Variants in TTC7B observed in about 807,000 individuals in gnomAD.
The protein encoded by TTC7B is tetratricopeptide repeat domain 7B.
A neutral mutation model predicts 106.8 loss-of-function variants in TTC7B; 28 were observed. The observed-to-expected ratio is 0.26, with a 90% CI of 0.19 to 0.36. TTC7B has a LOEUF of 0.36. Among genes scored for constraint, TTC7B ranks in the 10% least tolerant of loss-of-function variants. The pLI, the probability that TTC7B is intolerant of heterozygous loss-of-function variation, is 1.00. For synonymous variants in TTC7B, 405 were observed against 430.6 expected (o/e 0.94, Z 0.74); for missense variants, 862 against 1,076.4 (o/e 0.80, Z 2.79).
intron 19 of TTC7B, among the ~76,000 whole-genome samples, chr14:90,568,983 C>T (rs1033974125): frequency 6.6e-6 from 1 of 152,230 alleles, no homozygotes; most frequent in African/African-American, 2.4e-5. Flanking sequence ...CACACCTGTT[C>T]CACCAGTACC....
intron 5 of TTC7B, among the ~76,000 whole-genome samples, chr14:90,719,093 G>A (rs889619615): frequency 2.0e-5 from 3 of 151,770 alleles, no homozygotes; most frequent in South Asian, 2.1e-4. Flanking sequence ...AAACCCCGTC[G>A]CTACAAACAA....
rs1369535261 is a variant in TTC7B at position 90,524,946 on chromosome 14, C to T, written c.*16422G>A. On this transcript the variant is annotated 3_prime_UTR_variant, in exon 20 of 20. Transcript: ENST00000328459. ...CAGCCTTATGAAGATGTGATTGGCA[C>T]GTAGTAAAGCGCAAGCATTTAAAGT... 2.0e-5 allele frequency: 3 copies of T among 151,948 alleles called. No individual in the cohort carries two copies. Among genetic ancestry groups the T allele is most frequent in the Admixed American group, 1.3e-4 (2 of 15,260 alleles). The allele number at this position is 151,948 out of a possible 1,614,324, so 9.4% of individuals were successfully genotyped here.
At chr14:90,781,122 C>T (rs1477252815) in intron 2 of TTC7B, among the ~76,000 whole-genome samples, 1 of 152,168 alleles carries the variant, frequency 6.6e-6, no homozygotes, top group Non-Finnish European at 1.5e-5. Context: ...GAATATTGCT[C>T]AGTTGTAGTA....
At chr14:90,662,587 A>T (rs1420217139) in intron 9 of TTC7B, among the ~76,000 whole-genome samples, 1 of 152,196 alleles carries the variant, frequency 6.6e-6, no homozygotes, top group Non-Finnish European at 1.5e-5. Context: ...CTAGAAATAC[A>T]GTTTCAAGGT....
intron 17 of TTC7B, 51 bp downstream of exon 17, chr14:90,610,691 C>A: frequency 7.5e-7 from 1 of 1,339,332 alleles, no homozygotes; most frequent in Non-Finnish European, 1.1e-6. Flanking sequence ...GGTCCCAGGC[C>A]CCCACATTCT....
rs1347521462 is a variant in TTC7B at position 90,608,387 on chromosome 14, C to T, written c.1966+2355G>A. 2.6e-5 allele frequency among the ~76,000 whole-genome samples: 4 copies of T among 152,032 alleles called. No homozygotes were observed. The highest frequency in any genetic ancestry group is 5.9e-5 in the Non-Finnish European group (4 of 67,990). ...GTATTTTGCAGCTGCCTGGTTGGGTCGGGGGTGGTGTAGGGCTGGTGGCAG... is the reference window on the plus strand; with the variant it reads ...GTATTTTGCAGCTGCCTGGTTGGGTTGGGGGTGGTGTAGGGCTGGTGGCAG... On this transcript the variant is annotated intron_variant, in intron 17 of 19. Coordinates refer to ENST00000328459, the MANE Select transcript of TTC7B (RefSeq NM_001010854.2). The surrounding 1 kb of genome is among the most constrained non-coding windows in gnomAD (Gnocchi z 5.1).
In TTC7B at chr14:90,657,110, A is replaced by G; in HGVS notation, c.1341+64T>C. ...GCTTTCTCTCTGTGCCTCGACATGA[A>G]AAAAATGGGCAGTCCTGGCCCAGAG... On this transcript the variant is annotated intron_variant, in intron 11 of 19. Coordinates refer to ENST00000328459, the MANE Select transcript of TTC7B (RefSeq NM_001010854.2). The surrounding 1 kb of genome is among the most constrained non-coding windows in gnomAD (Gnocchi z 4.2). The G allele has an allele frequency of 7.2e-7, 1 of 1,396,166 alleles. No homozygotes were observed. The highest frequency in any genetic ancestry group is 1.0e-6 in the Non-Finnish European group (1 of 995,968). 86.5% of individuals were successfully genotyped at this position (1,396,166 alleles called of 1,614,324 possible).
chr14:90,526,273 G>A lies in TTC7B; in HGVS notation c.*15095C>T, dbSNP rs1291693197. The A allele has an allele frequency of 6.6e-6, 1 of 152,078 alleles. No individual in the cohort carries two copies. Among genetic ancestry groups the A allele is most frequent in the African/African-American group, 2.4e-5 (1 of 41,390 alleles). 9.4% of individuals were successfully genotyped at this position (152,078 alleles called of 1,614,324 possible). A position where few individuals can be genotyped will look rare whatever the true frequency, so the allele number is the denominator to read the frequency against. On this transcript the variant is annotated 3_prime_UTR_variant, in exon 20 of 20. Transcript: ENST00000328459. ...GAGTTTTGACTTGCATTTCCCTAGTGAGTAATGATGTTGAACATTTCTTCA... is the reference window on the plus strand; with the variant it reads ...GAGTTTTGACTTGCATTTCCCTAGTAAGTAATGATGTTGAACATTTCTTCA...
In TTC7B at chr14:90,805,553, A is replaced by C. The variant is rs1308078625; in HGVS notation, c.121+10622T>G. On this transcript the variant is annotated intron_variant, in intron 1 of 19. Transcript: ENST00000328459. This position sits in a 1 kb window ranked among gnomAD's most constrained non-coding sequence, Gnocchi z 4.0. ...ACTGCTGGGATTGCAGGCATGAGCC[A>C]CCGCGCCCGGCCTAAACCTCACCTC... Among the ~76,000 whole-genome samples, 2 of 152,182 alleles carry C rather than the reference A, an allele frequency of 1.3e-5. No homozygotes were observed. Among genetic ancestry groups the C allele is most frequent in the African/African-American group, 4.8e-5 (2 of 41,438 alleles).
chr14:90,731,001 A>C (rs1417669445), intron 4 of TTC7B, among the ~76,000 whole-genome samples: 3 of 152,202 alleles, frequency 2.0e-5, no homozygotes, highest in Non-Finnish European at 2.9e-5. Flanking sequence ...GCTGGAGTGC[A>C]GTGGCACAAT....
intron 17 of TTC7B, among the ~76,000 whole-genome samples, chr14:90,597,686 A>C (rs547542663): frequency 2.1e-4 from 32 of 152,202 alleles, no homozygotes; most frequent in Middle Eastern, 3.4e-3. Context: ...ACAACAACAA[A>C]AAAAACCCTG....
chr14:90,798,709 C>CAAAAAAAAAAAAA (rs36223089), intron 1 of TTC7B, among the ~76,000 whole-genome samples: 1 of 52,312 alleles, frequency 1.9e-5, no homozygotes, highest in African/African-American at 6.0e-5. Flanking sequence ...GACTCCATCT[C>CAAAAAAAAAAAAA]AAAAAAAAAA....
intron 5 of TTC7B, among the ~76,000 whole-genome samples, chr14:90,714,856 C>G (rs192619495): frequency 6.6e-6 from 1 of 152,106 alleles, no homozygotes; most frequent in African/African-American, 2.4e-5. Context: ...TAGCAGCTTC[C>G]TCTATGACAA....
intron 13 of TTC7B, among the ~76,000 whole-genome samples, chr14:90,652,281 C>T (rs1299548225): frequency 6.6e-6 from 1 of 151,842 alleles, no homozygotes; most frequent in East Asian, 1.9e-4. Context: ...TGTGAAGGCA[C>T]GCTGTGACAC....
At chr14:90,704,277 T>A (rs1173490838) in intron 5 of TTC7B, among the ~76,000 whole-genome samples, 1 of 152,232 alleles carries the variant, frequency 6.6e-6, no homozygotes, top group African/African-American at 2.4e-5. Context: ...ACTGGTGTGA[T>A]TGTGAACCTT....
At chr14:90,767,072 G>A in intron 3 of TTC7B, 1 of 716,272 alleles carries the variant, frequency 1.4e-6, no homozygotes, top group Non-Finnish European at 2.3e-6. Flanking sequence ...AGAAATTCTG[G>A]GCTGGGTGCA....
intron 1 of TTC7B, among the ~76,000 whole-genome samples, chr14:90,800,426 A>G (rs994792377): frequency 6.6e-6 from 1 of 152,156 alleles, no homozygotes; most frequent in Non-Finnish European, 1.5e-5. Flanking sequence ...GGCAAAAGGA[A>G]CTTTGCAGAT....
At chr14:90,715,972 G>A (rs1319816581) in intron 5 of TTC7B, among the ~76,000 whole-genome samples, 5 of 152,122 alleles carry the variant, frequency 3.3e-5, no homozygotes, top group African/African-American at 4.8e-5. Context: ...CTTTCACAGG[G>A]TGATATAATT....
chr14:90,805,924 C>T lies in TTC7B; in HGVS notation c.121+10251G>A, dbSNP rs1482754233. ...TGGCCTTTGCCTCTGGAAGGGACTGCCCTTCCTCCTGGTTCCTCCCATGCA... is the reference window on the plus strand; with the variant it reads ...TGGCCTTTGCCTCTGGAAGGGACTGTCCTTCCTCCTGGTTCCTCCCATGCA... On this transcript the variant is annotated intron_variant, in intron 1 of 19. Transcript: ENST00000328459. The surrounding 1 kb of genome is among the most constrained non-coding windows in gnomAD (Gnocchi z 4.0). Among the ~76,000 whole-genome samples the T allele has an allele frequency of 6.6e-6, 1 of 152,192 alleles. No individual in the cohort carries two copies. Among genetic ancestry groups the T allele is most frequent in the Non-Finnish European group, 1.5e-5 (1 of 68,030 alleles).
Sources: gnomAD v4.1 joint callset for allele counts (sites outside exome capture counted in the v4.1 genomes callset) on GRCh38, gnomAD v4.1.1 for gene constraint, Gnocchi (gnomAD v3.1) non-coding constraint, MANE v1.5 for transcripts, NCBI Gene and HGNC (gene_info 2026-07-23, HGNC 2026-07-21) for gene names.